Variants in SNX29 observed in about 807,000 individuals in gnomAD.
The protein encoded by SNX29 is sorting nexin-29.
Under a neutral mutation model 102.1 loss-of-function variants are expected in SNX29, and 78 were observed. That is an observed-to-expected ratio of 0.76 (90% CI 0.64 to 0.92). SNX29 has a LOEUF of 0.92. SNX29 is among the 40% of genes least tolerant of loss of function. SNX29 has a pLI of 0.00. For missense variants in SNX29, 1,280 were observed against 1,061.7 expected (o/e 1.21, Z -2.86); for synonymous variants, 580 against 414.5 (o/e 1.40, Z -4.85).
chr16:12,393,532 A>C (rs1301911392), intron 16 of SNX29, among the ~76,000 whole-genome samples: 2 of 151,226 alleles, frequency 1.3e-5, no homozygotes, highest in Non-Finnish European at 2.9e-5. Context: ...GAGCTCTCTG[A>C]GCTCACAAGG....
chr16:12,157,208 T>C (rs2141635517), intron 13 of SNX29, among the ~76,000 whole-genome samples: 1 of 152,254 alleles, frequency 6.6e-6, no homozygotes, highest in African/African-American at 2.4e-5. Flanking sequence ...CCCCATAGGC[T>C]GATGGTTGTC....
intron 14 of SNX29, among the ~76,000 whole-genome samples, chr16:12,268,595 G>C (rs2079002873): frequency 6.6e-6 from 1 of 152,150 alleles, no homozygotes; most frequent in Non-Finnish European, 1.5e-5. Context: ...TTCTCCTTCG[G>C]AACTGTAAAG....
intron 7 of SNX29, among the ~76,000 whole-genome samples, chr16:12,049,719 ACC>A (rs1489183089): frequency 6.6e-6 from 1 of 152,042 alleles, no homozygotes; most frequent in Non-Finnish European, 1.5e-5. Flanking sequence ...AGTTTTCAAT[ACC>A]CTTTGATTCC....
intron 19 of SNX29, among the ~76,000 whole-genome samples, chr16:12,487,287 G>T (rs1029855080): frequency 2.0e-5 from 3 of 152,226 alleles, no homozygotes; most frequent in Non-Finnish European, 4.4e-5. Context: ...AACCTGTGCA[G>T]TGGGTGAGCC....
chr16:12,038,370 G>C (rs985198423), intron 4 of SNX29, among the ~76,000 whole-genome samples: 7 of 152,200 alleles, frequency 4.6e-5, no homozygotes, highest in African/African-American at 7.2e-5. Flanking sequence ...GCCTGGTGCT[G>C]TTAGTGTCCT....
At chr16:12,548,635 TC>T (rs1296655829) in intron 20 of SNX29, among the ~76,000 whole-genome samples, 3 of 152,182 alleles carry the variant, frequency 2.0e-5, no homozygotes, top group Non-Finnish European at 4.4e-5. Flanking sequence ...AAGAGGCTCT[TC>T]AGGGGCCTCA....
At chr16:12,550,856 A>G (rs2077931189) in intron 20 of SNX29, among the ~76,000 whole-genome samples, 1 of 152,242 alleles carries the variant, frequency 6.6e-6, no homozygotes, top group African/African-American at 2.4e-5. Flanking sequence ...CAGTATTTTC[A>G]TGATAGACTT....
Position 11,976,813 on chromosome 16 carries a change from G to A in SNX29, c.7G>A (p.Gly3Arg). 2 of 1,380,528 alleles carry A rather than the reference G, an allele frequency of 1.4e-6. No individual in the cohort carries two copies. Among genetic ancestry groups the A allele is most frequent in the Non-Finnish European group, 1.9e-6 (2 of 1,066,622 alleles). The allele number at this position is 1,380,528 out of a possible 1,614,324, so 85.5% of individuals were successfully genotyped here. A position where few individuals can be genotyped will look rare whatever the true frequency, so the allele number is the denominator to read the frequency against. Residue 3 changes from glycine (G) to arginine (R), a missense_variant and splice_region_variant, in exon 1 of 21, where the codon GGA (glycine) becomes AGA (arginine). By Grantham distance (125) the Gly-to-Arg change is moderately radical. Coordinates refer to ENST00000566228, the MANE Select transcript of SNX29 (RefSeq NM_032167.5). The stretch of plus-strand genomic sequence containing the variant: ...CGGCCCGGGGAGAGGCACCATGAGC[G>A]GTGAGTGGCGGCCCCGCCGCTGTCA... MS[G>R]SQNNDKRQFL...
chr16:12,567,332 T>G (rs1046668919), intron 20 of SNX29, among the ~76,000 whole-genome samples: 1 of 152,166 alleles, frequency 6.6e-6, no homozygotes, highest in Non-Finnish European at 1.5e-5. Context: ...GACGCAGGAG[T>G]GGACATGGAT....
At chr16:12,167,781 T>TTGAGC (rs1423613403) in intron 13 of SNX29, among the ~76,000 whole-genome samples, 5 of 152,172 alleles carry the variant, frequency 3.3e-5, no homozygotes, top group Admixed American at 3.3e-4. Flanking sequence ...TCAGTGTGAT[T>TTGAGC]CTACATCAGG....
intron 13 of SNX29, among the ~76,000 whole-genome samples, chr16:12,164,530 G>T (rs77748433): frequency 0.018 from 2,707 of 151,992 alleles, 79 homozygotes; most frequent in African/African-American, 0.062. Flanking sequence ...GTACTTTTTT[G>T]GTTGATAATA....
intron 9 of SNX29, among the ~76,000 whole-genome samples, chr16:12,064,585 C>T (rs140979347): frequency 6.6e-6 from 1 of 152,356 alleles, no homozygotes; most frequent in African/African-American, 2.4e-5. Flanking sequence ...AGGGGCTGCG[C>T]ACAGGGGCAG....
intron 11 of SNX29, among the ~76,000 whole-genome samples, chr16:12,115,683 G>T (rs2053670266): frequency 6.6e-6 from 1 of 152,196 alleles, no homozygotes; most frequent in Non-Finnish European, 1.5e-5. Flanking sequence ...ACTATGCACG[G>T]TTTCACATTT....
intron 18 of SNX29, among the ~76,000 whole-genome samples, chr16:12,455,328 C>T (rs2086486948): frequency 6.6e-6 from 1 of 152,152 alleles, no homozygotes; most frequent in South Asian, 2.1e-4. Flanking sequence ...CTGGGTCTAC[C>T]CCATCAAGGA....
chr16:12,054,788 TC>T (rs2050451598), intron 8 of SNX29, among the ~76,000 whole-genome samples: 1 of 152,214 alleles, frequency 6.6e-6, no homozygotes, highest in African/African-American at 2.4e-5. Context: ...ACCCCTTGGT[TC>T]CATTTCTCCG....
intron 16 of SNX29, among the ~76,000 whole-genome samples, chr16:12,388,976 T>TGA (rs2151459672): frequency 6.6e-6 from 1 of 152,274 alleles, no homozygotes; most frequent in Admixed American, 6.5e-5. Flanking sequence ...CCTGCAAGGG[T>TGA]GAGCTCCTCA....
At chr16:12,562,409 A>T in intron 20 of SNX29, among the ~76,000 whole-genome samples, 1 of 152,110 alleles carries the variant, frequency 6.6e-6, no homozygotes, top group Non-Finnish European at 1.5e-5. Context: ...CATACCATAC[A>T]ATTTACCCAC....
At chr16:12,530,559 T>G (rs1393045460) in intron 20 of SNX29, among the ~76,000 whole-genome samples, 1 of 151,990 alleles carries the variant, frequency 6.6e-6, no homozygotes, top group African/African-American at 2.4e-5. Context: ...TTTTTGTTTT[T>G]TGTTTTTTTT....
intron 19 of SNX29, among the ~76,000 whole-genome samples, chr16:12,495,167 T>G (rs1221001296): frequency 2.0e-5 from 3 of 152,014 alleles, no homozygotes; most frequent in Non-Finnish European, 2.9e-5. Flanking sequence ...TTCTTTTTTC[T>G]TTTTTTTGAG....
Sources: allele counts gnomAD v4.1 joint callset (sites outside exome capture counted in the v4.1 genomes callset), GRCh38; gene constraint gnomAD v4.1.1; transcripts MANE v1.5; gene names NCBI Gene and HGNC (gene_info 2026-07-23, HGNC 2026-07-21).